The following WNT9B variants were observed in gnomAD, a reference collection of about 807,000 sequenced individuals.
WNT9B encodes the protein protein Wnt-9b.
Under a neutral mutation model 30.2 loss-of-function variants are expected in WNT9B, and 12 were observed. The ratio of observed to expected loss-of-function variants is 0.40; its 90% confidence interval spans 0.26 to 0.64. The LOEUF (loss-of-function observed/expected upper bound fraction) is 0.64. Among genes scored for constraint, WNT9B ranks in the 30% least tolerant of loss-of-function variants. WNT9B has a pLI of 0.42. For synonymous variants in WNT9B, 218 were observed against 216.9 expected, an observed-to-expected ratio of 1.01 and a Z score of -0.05; for missense variants, 442 against 485.2, an observed-to-expected ratio of 0.91 and a Z score of 0.84.
chr17:46,843,564 A>T (rs954766767), intron 1 of WNT9B, among the ~76,000 whole-genome samples: 1 of 152,106 alleles, frequency 6.6e-6, no homozygotes, highest in African/African-American at 2.4e-5. Flanking sequence ...CTCATTTGGT[A>T]CTTTCTTCTC....
At chr17:46,839,425 T>A (rs8080664) in intron 1 of WNT9B, among the ~76,000 whole-genome samples, 70,846 of 152,058 alleles carry the variant, frequency 0.47, 20,942 homozygotes, top group East Asian at 0.88. Flanking sequence ...TTGCATCAGG[T>A]TGTATGGTAG....
intron 1 of WNT9B, among the ~76,000 whole-genome samples, chr17:46,841,915 C>T (rs1028358020): frequency 7.9e-5 from 12 of 152,228 alleles, no homozygotes; most frequent in Admixed American, 3.3e-4. Context: ...GTCTCTGGTC[C>T]GCGAGAGGAC....
At chr17:46,863,701 G>C (rs149127389) in intron 1 of WNT9B, among the ~76,000 whole-genome samples, 164 of 152,310 alleles carry the variant, frequency 1.1e-3, no homozygotes, top group African/African-American at 3.9e-3. Context: ...CTGGGAGAAG[G>C]TTACAGCATG....
chr17:46,844,305 C>CTTTTT (rs34889221), intron 1 of WNT9B, among the ~76,000 whole-genome samples: 30 of 127,450 alleles, frequency 2.4e-4, no homozygotes, highest in African/African-American at 7.3e-4. Context: ...AGTTAGCCAC[C>CTTTTT]TTTTTTTTTT....
intron 1 of WNT9B, among the ~76,000 whole-genome samples, chr17:46,857,560 A>G (rs2084959814): frequency 6.6e-6 from 1 of 151,608 alleles, no homozygotes; most frequent in Admixed American, 6.6e-5. Flanking sequence ...ATCCATGTAC[A>G]TCTCTTTTTG....
At position 46,878,954 on chromosome 17, in the gene WNT9B, T is replaced by G. The variant is rs1302232187; in HGVS notation, c.*2236T>G. 2.6e-5 allele frequency among the ~76,000 whole-genome samples: 4 copies of G among 152,200 alleles called. No homozygotes were observed. The highest frequency in any genetic ancestry group is 9.6e-5 in the African/African-American group (4 of 41,454). ...TCTCTCCCTCTCTTCTTCCTTGCTC[T>G]CATCCCTTTCTTTTCCAGTTACCCC... is the stretch of plus-strand genomic sequence containing the variant. On this transcript the variant is annotated 3_prime_UTR_variant, in exon 4 of 4. Transcript: ENST00000290015.
At chr17:46,884,609 C>G (rs1015477689), downstream of WNT9B, among the ~76,000 whole-genome samples, 1 of 152,210 alleles carries the variant, frequency 6.6e-6, no homozygotes, top group Admixed American at 6.5e-5. Context: ...TTTGCGCAGG[C>G]TTCATACAGG....
Position 46,876,488 on chromosome 17 carries a change from G to T in WNT9B, c.844G>T (p.Val282Leu). The change falls in exon 4 of 4, where the codon GTG becomes TTG. Residue 282 changes from valine (V) to leucine (L), a missense_variant. Physicochemically the swap from Val to Leu is conservative, Grantham distance 32. Coordinates refer to ENST00000290015, the MANE Select transcript of WNT9B (RefSeq NM_003396.3). Reference sequence around the variant, plus strand: ...CCTGGCCCCAAGGTCTGGGGACCTGGTGTACATGGAGGACTCACCCAGCTT... The same window carrying T: ...CCTGGCCCCAAGGTCTGGGGACCTGTTGTACATGGAGGACTCACCCAGCTT... ...KGLAPRSGDL[V>L]YMEDSPSFCR... is the part of the protein sequence containing the mutation. The T allele has an allele frequency of 1.2e-6, 2 of 1,613,660 alleles. No homozygotes were observed. The highest frequency in any genetic ancestry group is 1.7e-6 in the Non-Finnish European group (2 of 1,180,030).
chr17:46,875,914 T>C (rs765500250), intron 3 of WNT9B, among the ~76,000 whole-genome samples: 1 of 152,208 alleles, frequency 6.6e-6, no homozygotes, highest in Non-Finnish European at 1.5e-5. Flanking sequence ...GATTAAGTTC[T>C]GAGTTGTCAT....
upstream of WNT9B, among the ~76,000 whole-genome samples, chr17:46,847,539 A>G (rs927860254): frequency 1.3e-5 from 2 of 152,214 alleles, no homozygotes; most frequent in Non-Finnish European, 2.9e-5. Flanking sequence ...CAAGAAGGCC[A>G]GGTCACCTGG....
chr17:46,880,439 C>T lies in WNT9B; in HGVS notation c.*3721C>T, dbSNP rs1201843942. On this transcript the variant is annotated 3_prime_UTR_variant, in exon 4 of 4. Coordinates refer to ENST00000290015, the MANE Select transcript of WNT9B (RefSeq NM_003396.3). ...TTATTTAGGGATCTCTTATTGAGCA[C>T]CAGGCAGCATCCTGGGTGCTTGGTG... Among the ~76,000 whole-genome samples the T allele has an allele frequency of 6.6e-6, 1 of 152,190 alleles. No homozygotes were observed. The highest frequency in any genetic ancestry group is 2.4e-5 in the African/African-American group (1 of 41,438).
chr17:46,838,085 C>A (rs899734856), intron 1 of WNT9B, among the ~76,000 whole-genome samples: 2 of 152,148 alleles, frequency 1.3e-5, no homozygotes, highest in African/African-American at 4.8e-5. Flanking sequence ...TTTGCATTTT[C>A]TGCCCCCTCT....
intron 1 of WNT9B, among the ~76,000 whole-genome samples, chr17:46,863,296 C>T (rs904261259): frequency 6.6e-6 from 1 of 152,218 alleles, no homozygotes; most frequent in African/African-American, 2.4e-5. Flanking sequence ...AACTGCACTC[C>T]TTGCGTGGGG....
chr17:46,883,627 G>C (rs1568136291), downstream of WNT9B, among the ~76,000 whole-genome samples: 1 of 152,202 alleles, frequency 6.6e-6, no homozygotes, highest in Non-Finnish European at 1.5e-5. Context: ...AGCTCAGAGA[G>C]GTTCCCTTGC....
At chr17:46,862,991 G>A (rs190167326) in intron 1 of WNT9B, among the ~76,000 whole-genome samples, 120 of 152,366 alleles carry the variant, frequency 7.9e-4, no homozygotes, top group African/African-American at 2.8e-3. Flanking sequence ...GAGGTTCAGA[G>A]GGAACGGGCC....
At chr17:46,884,667 A>G (rs1337292720), downstream of WNT9B, among the ~76,000 whole-genome samples, 4 of 152,182 alleles carry the variant, frequency 2.6e-5, no homozygotes, top group Non-Finnish European at 5.9e-5. Flanking sequence ...TTGTATTTGA[A>G]TCTTATGACA....
intron 1 of WNT9B, among the ~76,000 whole-genome samples, chr17:46,860,918 G>A (rs2085026676): frequency 6.6e-6 from 1 of 152,154 alleles, no homozygotes; most frequent in Non-Finnish European, 1.5e-5. Context: ...GAGTGCAATG[G>A]CTTGATCATA....
At chr17:46,853,921 C>T (rs57834988) in intron 1 of WNT9B, among the ~76,000 whole-genome samples, 14,473 of 152,100 alleles carry the variant, frequency 0.095, 1,462 homozygotes, top group East Asian at 0.47. Context: ...CTCAGCAGTG[C>T]ATGGGGTTAG....
downstream of WNT9B, among the ~76,000 whole-genome samples, chr17:46,883,687 T>C (rs1323691322): frequency 6.6e-6 from 1 of 152,182 alleles, no homozygotes; most frequent in Non-Finnish European, 1.5e-5. Flanking sequence ...TCACTGCCTC[T>C]TCCCGGGGAG....
Sources: gnomAD v4.1 joint callset for allele counts (sites outside exome capture counted in the v4.1 genomes callset) on GRCh38, gnomAD v4.1.1 for gene constraint, MANE v1.5 for transcripts, NCBI Gene and HGNC (gene_info 2026-07-23, HGNC 2026-07-21) for gene names.